ZBTB16: variants seen among roughly 807,000 people sequenced by gnomAD.
ZBTB16 encodes the protein zinc finger and BTB domain containing 16.
Under a neutral mutation model 56.8 loss-of-function variants are expected in ZBTB16, and 8 were observed. The ratio of observed to expected loss-of-function variants is 0.14; its 90% CI spans 0.08 to 0.25. The LOEUF (loss-of-function observed/expected upper bound fraction) is 0.25, where lower values mean the gene tolerates loss of function less well. Among genes scored for constraint, ZBTB16 ranks in the 10% least tolerant of loss-of-function variants. ZBTB16 has a pLI of 1.00. For missense variants in ZBTB16, 625 were observed against 903.0 expected (o/e 0.69, Z 3.95); for synonymous variants, 363 against 368.5 (o/e 0.98, Z 0.17).
chr11:114,203,582 AAAC>A (rs1458921861), intron 4 of ZBTB16, among the ~76,000 whole-genome samples: 8 of 147,078 alleles, frequency 5.4e-5, no homozygotes, highest in Admixed American at 2.7e-4. Context: ...CCCCCTGCAA[AAAC>A]AACAACAACA....
chr11:114,064,530 G>A lies in ZBTB16; in HGVS notation c.1230G>A (p.Gly410=). 1 of 1,614,006 alleles carries A rather than the reference G, an allele frequency of 6.2e-7. No homozygotes were observed. Among genetic ancestry groups the A allele is most frequent in the East Asian group, 2.2e-5 (1 of 44,876 alleles). The change falls in exon 2 of 7, where the codon GGG becomes GGA. Residue 410 remains glycine (G), a synonymous_variant. Coordinates refer to ENST00000335953, the MANE Select transcript of ZBTB16 (RefSeq NM_006006.6). The surrounding 1 kb of genome is among the most constrained non-coding windows in gnomAD (Gnocchi z 4.2). Reference sequence around the variant, plus strand: ...TCGGAGAGCAGTGCAGCGTGTGTGGGGTCGAGCTTCCTGATAACGAGGCTG... The same window carrying A: ...TCGGAGAGCAGTGCAGCGTGTGTGGAGTCGAGCTTCCTGATAACGAGGCTG... ...RTIGEQCSVC[G]VELPDNEAVE...
rs193218976 is a variant in ZBTB16 at position 114,141,190 on chromosome 11, A to G, written c.1269-15147A>G. Among the ~76,000 whole-genome samples the G allele has an allele frequency of 3.8e-3, 575 of 152,312 alleles. 19 individuals are homozygous for G. Among genetic ancestry groups the G allele is most frequent in the Admixed American group, 0.036 (556 of 15,294 alleles). The stretch of plus-strand genomic sequence containing the variant: ...AAGTCTTGGCTCATGTGATGCCTCC[A>G]TCACACGGTGCTCCCCGTCTCATCC... On this transcript the variant is annotated intron_variant, in intron 2 of 6. Coordinates refer to ENST00000335953, the MANE Select transcript of ZBTB16 (RefSeq NM_006006.6).
chr11:114,059,777 C>T lies in ZBTB16; in HGVS notation c.-196C>T. The T allele has an allele frequency of 2.5e-6, 1 of 398,450 alleles. No individual in the cohort carries two copies. The highest frequency in any genetic ancestry group is 4.4e-6 in the Non-Finnish European group (1 of 225,982). The allele number at this position is 398,450 out of a possible 1,614,324, so 24.7% of individuals were successfully genotyped here. A position where few individuals can be genotyped will look rare whatever the true frequency, so the allele number is the denominator to read the frequency against. On this transcript the variant is annotated 5_prime_UTR_variant, in exon 1 of 7. Coordinates refer to ENST00000335953, the MANE Select transcript of ZBTB16 (RefSeq NM_006006.6). The surrounding 1 kb of genome is among the most constrained non-coding windows in gnomAD (Gnocchi z 5.3). ...CTGCCGGGCGATGCTGTCGCTGCCG[C>T]CGTGATACGGAGAGCAACAGTTCCC...
chr11:114,091,984 TTTGTC>T (rs1164274918), intron 2 of ZBTB16, among the ~76,000 whole-genome samples: 1 of 152,186 alleles, frequency 6.6e-6, no homozygotes, highest in Non-Finnish European at 1.5e-5. Flanking sequence ...GCCTCACCCT[TTTGTC>T]TTGCTGCCCC....
chr11:114,190,527 C>T (rs1214784558), intron 4 of ZBTB16, among the ~76,000 whole-genome samples: 3 of 151,970 alleles, frequency 2.0e-5, no homozygotes, highest in African/African-American at 7.3e-5. Context: ...TGATGGTTTC[C>T]CACAATTATA....
At chr11:114,171,578 C>G (rs1018024048) in intron 3 of ZBTB16, among the ~76,000 whole-genome samples, 2 of 152,172 alleles carry the variant, frequency 1.3e-5, no homozygotes, top group Admixed American at 6.5e-5. Context: ...CCCCGGCCCC[C>G]CAAGGTGACA....
intron 2 of ZBTB16, chr11:114,121,795 T>C (rs539287094): frequency 4.4e-6 from 2 of 455,832 alleles, no homozygotes; most frequent in East Asian, 1.4e-4. Context: ...CATTTCCAAA[T>C]TCTGAGTCTA....
intron 2 of ZBTB16, among the ~76,000 whole-genome samples, chr11:114,088,658 G>A (rs1232837933): frequency 1.3e-5 from 2 of 152,186 alleles, no homozygotes; most frequent in African/African-American, 2.4e-5. Flanking sequence ...TGAAGCAGGG[G>A]TGGCTGAGCT....
chr11:114,081,325 A>C (rs1178239251), intron 2 of ZBTB16, among the ~76,000 whole-genome samples: 1 of 152,182 alleles, frequency 6.6e-6, no homozygotes, highest in Non-Finnish European at 1.5e-5. Flanking sequence ...ACAATGCCCT[A>C]TGTTGGGGGT....
chr11:114,128,351 C>T (rs138930199), intron 2 of ZBTB16, among the ~76,000 whole-genome samples: 2 of 152,306 alleles, frequency 1.3e-5, no homozygotes, highest in East Asian at 3.9e-4. Context: ...CGACAGCCAC[C>T]CACTACTTCT....
At chr11:114,203,735 G>A (rs138050435) in intron 4 of ZBTB16, among the ~76,000 whole-genome samples, 8 of 152,184 alleles carry the variant, frequency 5.3e-5, no homozygotes, top group African/African-American at 1.4e-4. Context: ...TGCAGGTAAC[G>A]CTTTGCATCA....
intron 2 of ZBTB16, among the ~76,000 whole-genome samples, chr11:114,120,619 A>G (rs1237924776): frequency 1.3e-5 from 2 of 151,754 alleles, no homozygotes; most frequent in African/African-American, 2.4e-5. Flanking sequence ...CCTGCTCCAC[A>G]CTCACCACTG....
intron 4 of ZBTB16, among the ~76,000 whole-genome samples, chr11:114,197,810 G>A (rs1472622225): frequency 1.3e-5 from 2 of 152,070 alleles, no homozygotes; most frequent in Non-Finnish European, 2.9e-5. Flanking sequence ...GAGCAGCAAC[G>A]CTCCTTCCCT....
rs1277490515 is a variant in ZBTB16, at chr11:114,252,721, G to C, written c.*2166G>C. ...CAAAGTGGTTTAGGGAAGCGGTTTT[G>C]GGGAGAAGGATCACGAGGAATGTAG... On this transcript the variant is annotated 3_prime_UTR_variant, in exon 7 of 7. Coordinates refer to ENST00000335953, the MANE Select transcript of ZBTB16 (RefSeq NM_006006.6). Among the ~76,000 whole-genome samples the C allele has an allele frequency of 6.6e-6, 1 of 152,104 alleles. No individual in the cohort carries two copies. Among genetic ancestry groups the C allele is most frequent in the Non-Finnish European group, 1.5e-5 (1 of 68,024 alleles).
At chr11:114,227,389 A>G (rs994450677) in intron 4 of ZBTB16, among the ~76,000 whole-genome samples, 11 of 152,236 alleles carry the variant, frequency 7.2e-5, no homozygotes, top group Non-Finnish European at 1.6e-4. Context: ...GCTTCACAGG[A>G]TCACAAAGCC....
chr11:114,183,195 C>T (rs1183972629), intron 3 of ZBTB16, among the ~76,000 whole-genome samples: 2 of 152,158 alleles, frequency 1.3e-5, no homozygotes, highest in Non-Finnish European at 1.5e-5. Context: ...GTGTTATCCA[C>T]GTGTAAGGAG....
Position 114,252,650 on chromosome 11 carries a change from TTCTC to T in ZBTB16, c.*2101_*2104del, listed in dbSNP as rs1214814049. Among the ~76,000 whole-genome samples, 3 of 152,208 alleles carry T rather than the reference TTCTC, an allele frequency of 2.0e-5. No individual in the cohort carries two copies. The highest frequency in any genetic ancestry group is 4.8e-5 in the African/African-American group (2 of 41,452). ...TTTTTATTATTATTTTTTCTTTCCTTTCTCTCTCTGAGAAAGTTGTGGCTGCGTT... is the reference window on the plus strand; with the variant it reads ...TTTTTATTATTATTTTTTCTTTCCTTTCTCTGAGAAAGTTGTGGCTGCGTT... On this transcript the variant is annotated 3_prime_UTR_variant, in exon 7 of 7. Coordinates refer to ENST00000335953, the MANE Select transcript of ZBTB16 (RefSeq NM_006006.6).
intron 3 of ZBTB16, among the ~76,000 whole-genome samples, chr11:114,173,516 G>A (rs1372266408): frequency 6.6e-6 from 1 of 152,212 alleles, no homozygotes; most frequent in African/African-American, 2.4e-5. Flanking sequence ...GACTTTAAAG[G>A]AACTGACAAC....
At chr11:114,188,399 A>G (rs904232822) in intron 4 of ZBTB16, 5 of 152,192 alleles carry the variant, frequency 3.3e-5, no homozygotes, top group African/African-American at 1.2e-4. Context: ...TGACTCTGCC[A>G]CTTCCTATTT....
Sources: gnomAD v4.1 joint callset for allele counts (sites outside exome capture counted in the v4.1 genomes callset) on GRCh38, gnomAD v4.1.1 for gene constraint, Gnocchi (gnomAD v3.1) non-coding constraint, MANE v1.5 for transcripts, NCBI Gene and HGNC (gene_info 2026-07-23, HGNC 2026-07-21) for gene names.